The following PRICKLE2 variants were observed in gnomAD, a reference collection of about 807,000 sequenced individuals.
PRICKLE2 encodes prickle planar cell polarity protein 2, also known as prickle-like protein 2.
Under a neutral mutation model 81.4 loss-of-function variants are expected in PRICKLE2, and 21 were observed. The observed-to-expected ratio is 0.26, with a 90% CI of 0.18 to 0.37. PRICKLE2 has a LOEUF of 0.37. Among genes scored for constraint, PRICKLE2 ranks in the 10% least tolerant of loss-of-function variants. The pLI, the probability that PRICKLE2 is intolerant of heterozygous loss-of-function variation, is 1.00. For synonymous variants in PRICKLE2, 456 were observed against 421.5 expected, an observed-to-expected ratio of 1.08 and a Z score of -1.00; for missense variants, 940 against 1,109.0, an observed-to-expected ratio of 0.85 and a Z score of 2.16.
At chr3:64,149,430 G>C (rs2077508421) in intron 6 of PRICKLE2, among the ~76,000 whole-genome samples, 4 of 152,236 alleles carry the variant, frequency 2.6e-5, no homozygotes, top group Non-Finnish European at 5.9e-5. Flanking sequence ...TCTTTTTATA[G>C]CAGCAGTAAA....
intron 2 of PRICKLE2, among the ~76,000 whole-genome samples, chr3:64,169,200 C>T (rs1408892108): frequency 6.6e-6 from 1 of 152,110 alleles, no homozygotes; most frequent in Non-Finnish European, 1.5e-5. Context: ...CTTCTTCCTG[C>T]TTCCTGTCTG....
intron 7 of PRICKLE2, among the ~76,000 whole-genome samples, chr3:64,138,696 C>A (rs2077313727): frequency 1.3e-5 from 2 of 152,222 alleles, no homozygotes; most frequent in East Asian, 1.9e-4. Context: ...TACCAATGAA[C>A]AAAGGCAATC....
intron 2 of PRICKLE2, among the ~76,000 whole-genome samples, chr3:64,235,418 T>C (rs562610695): frequency 3.0e-4 from 46 of 152,348 alleles, no homozygotes; most frequent in Admixed American, 1.8e-3. Flanking sequence ...TTCCTGTATA[T>C]AGGTCACACT....
intron 2 of PRICKLE2, among the ~76,000 whole-genome samples, chr3:64,249,332 T>C (rs550596044): frequency 1.3e-5 from 2 of 152,140 alleles, no homozygotes; most frequent in Admixed American, 6.6e-5. Context: ...AAGGGGGAAA[T>C]CTGCCTCCAT....
chr3:64,118,018 G>C (rs2076964667), intron 7 of PRICKLE2, among the ~76,000 whole-genome samples: 1 of 152,132 alleles, frequency 6.6e-6, no homozygotes, highest in African/African-American at 2.4e-5. Flanking sequence ...TAGACCAATG[G>C]AACAGAATAG....
chr3:64,243,367 C>A (rs1011757918), intron 2 of PRICKLE2, among the ~76,000 whole-genome samples: 10 of 152,216 alleles, frequency 6.6e-5, no homozygotes, highest in African/African-American at 1.9e-4. Flanking sequence ...ACTGGTCACC[C>A]TTTCCCCAGT....
At chr3:64,260,182 C>T (rs1209650756) in intron 2 of PRICKLE2, among the ~76,000 whole-genome samples, 2 of 152,140 alleles carry the variant, frequency 1.3e-5, no homozygotes, top group Non-Finnish European at 2.9e-5. Flanking sequence ...TGACCAGCCT[C>T]AGAACTCTCT....
chr3:64,212,982 A>G (rs1208221076), intron 1 of PRICKLE2, among the ~76,000 whole-genome samples: 1 of 152,098 alleles, frequency 6.6e-6, no homozygotes, highest in Non-Finnish European at 1.5e-5. Context: ...TGCTGGACTG[A>G]GCAAGGTAAT....
At chr3:64,127,140 G>T (rs913081004) in intron 7 of PRICKLE2, among the ~76,000 whole-genome samples, 3 of 152,160 alleles carry the variant, frequency 2.0e-5, no homozygotes, top group Admixed American at 6.5e-5. Context: ...TATGTCAAAT[G>T]GTGCTGAGTG....
intron 2 of PRICKLE2, among the ~76,000 whole-genome samples, chr3:64,252,175 T>G (rs1030104295): frequency 2.3e-4 from 35 of 152,144 alleles, no homozygotes; most frequent in African/African-American, 8.0e-4. Flanking sequence ...TTGGGAAGAT[T>G]AAATGAAGTG....
chr3:64,160,373 T>C (rs2077712756), intron 3 of PRICKLE2, among the ~76,000 whole-genome samples: 1 of 152,160 alleles, frequency 6.6e-6, no homozygotes, highest in Non-Finnish European at 1.5e-5. Context: ...CTGCTCACCA[T>C]GTTAAGATCA....
rs117950964 is a variant in PRICKLE2, at chr3:64,125,288, C to T, written c.1660+21542G>A. Among the ~76,000 whole-genome samples, 29 of 152,230 alleles carry T rather than the reference C, an allele frequency of 1.9e-4. No individual in the cohort carries two copies. The East Asian group carries it at 4.8e-3, about 25-fold the overall frequency. ...GATTCTACTCCTGGTGAAGATGCTA[C>T]GAACATTGTTGAAATGACAACAAAA... On this transcript the variant is annotated intron_variant, in intron 7 of 7. Coordinates refer to ENST00000638394, the MANE Select transcript of PRICKLE2 (RefSeq NM_198859.4).
intron 2 of PRICKLE2, chr3:64,163,979 A>T (rs1171087998): frequency 6.6e-6 from 1 of 152,148 alleles, no homozygotes; most frequent in African/African-American, 2.4e-5. Flanking sequence ...CATCATGGAA[A>T]ATACTCTCAA....
intron 2 of PRICKLE2, among the ~76,000 whole-genome samples, chr3:64,259,790 G>A (rs1430906631): frequency 6.6e-6 from 1 of 152,148 alleles, no homozygotes; most frequent in Non-Finnish European, 1.5e-5. Context: ...ACCATGGAAA[G>A]CCAAGGATGG....
chr3:64,170,791 C>A (rs145484143), intron 2 of PRICKLE2, among the ~76,000 whole-genome samples: 1 of 151,850 alleles, frequency 6.6e-6, no homozygotes, highest in African/African-American at 2.4e-5. Flanking sequence ...GGGAGGATCA[C>A]TTGAGTCTGG....
intron 7 of PRICKLE2, among the ~76,000 whole-genome samples, chr3:64,133,992 T>A (rs769068939): frequency 1.3e-5 from 2 of 152,078 alleles, no homozygotes; most frequent in Non-Finnish European, 2.9e-5. Context: ...CGAGACAGAG[T>A]TAAGAGGAAG....
intron 2 of PRICKLE2, among the ~76,000 whole-genome samples, chr3:64,197,690 C>T (rs1299388428): frequency 1.3e-5 from 2 of 151,946 alleles, no homozygotes; most frequent in African/African-American, 4.8e-5. Flanking sequence ...ACACACTGGG[C>T]CCTACCACAG....
chr3:64,240,352 C>A (rs564792459), intron 2 of PRICKLE2, among the ~76,000 whole-genome samples: 3 of 152,250 alleles, frequency 2.0e-5, no homozygotes, highest in African/African-American at 7.2e-5. Context: ...AGCTACAGCT[C>A]CTCTGCATAG....
At chr3:64,238,014 A>G (rs1366604496) in intron 2 of PRICKLE2, among the ~76,000 whole-genome samples, 1 of 152,194 alleles carries the variant, frequency 6.6e-6, no homozygotes, top group African/African-American at 2.4e-5. Flanking sequence ...CCCTGAGAGC[A>G]AGAAGTTCAG....
Sources: allele counts gnomAD v4.1 joint callset (sites outside exome capture counted in the v4.1 genomes callset), GRCh38; gene constraint gnomAD v4.1.1; transcripts MANE v1.5; gene names NCBI Gene and HGNC (gene_info 2026-07-23, HGNC 2026-07-21).